Variants in TPRG1 observed in about 807,000 individuals in gnomAD.
TPRG1 encodes tumor protein p63-regulated gene 1 protein.
In TPRG1, 29 loss-of-function variants were observed where a neutral mutation model predicts 29.3. That is an observed-to-expected ratio of 0.99 (90% CI 0.74 to 1.35). The LOEUF (loss-of-function observed/expected upper bound fraction) is 1.35, where lower values mean the gene tolerates loss of function less well. TPRG1 is among the 40% of genes most tolerant of loss of function. The pLI is 0.00. For missense variants in TPRG1, 327 were observed against 335.0 expected, an observed-to-expected ratio of 0.98 and a Z score of 0.19; for synonymous variants, 130 against 116.8, an observed-to-expected ratio of 1.11 and a Z score of -0.73.
At chr3:189,104,153 C>G (rs1396929767) in intron 1 of TPRG1, among the ~76,000 whole-genome samples, 1 of 151,984 alleles carries the variant, frequency 6.6e-6, no homozygotes, top group Non-Finnish European at 1.5e-5. Context: ...GGTAGATGCC[C>G]CCCAACAGTA....
intron 1 of TPRG1, among the ~76,000 whole-genome samples, chr3:189,102,388 G>A (rs1719311743): frequency 6.6e-6 from 1 of 152,168 alleles, no homozygotes; most frequent in South Asian, 2.1e-4. Flanking sequence ...CACACAACAT[G>A]TACCAAGCTG....
intron 4 of TPRG1, among the ~76,000 whole-genome samples, chr3:189,050,439 A>G (rs1161379729): frequency 6.6e-6 from 1 of 152,214 alleles, no homozygotes; most frequent in African/African-American, 2.4e-5. Context: ...TTGAAATGGT[A>G]ATTTAAAAAT....
In TPRG1 at chr3:189,268,236, C is replaced by T. The variant is rs1040434921; in HGVS notation, c.479+29327C>T. 7.2e-5 allele frequency among the ~76,000 whole-genome samples: 11 copies of T among 152,082 alleles called. 1 individual carries two copies. The highest frequency in any genetic ancestry group is 1.5e-4 in the Non-Finnish European group (10 of 68,020). Reference sequence around the variant, plus strand: ...TTTGGGTATCTGTGCCAAGAATGCCCGGGGTTTGATTTTTGGGTGCGGTGC... The same window carrying T: ...TTTGGGTATCTGTGCCAAGAATGCCTGGGGTTTGATTTTTGGGTGCGGTGC... On this transcript the variant is annotated intron_variant, in intron 4 of 5. Coordinates refer to ENST00000345063, the MANE Select transcript of TPRG1 (RefSeq NM_198485.4).
intron 1 of TPRG1, among the ~76,000 whole-genome samples, chr3:189,177,618 A>C (rs1729664266): frequency 6.6e-6 from 1 of 151,786 alleles, no homozygotes; most frequent in Non-Finnish European, 1.5e-5. Context: ...AGGTTTATGG[A>C]CTGACTTCTG....
intron 5 of TPRG1, among the ~76,000 whole-genome samples, chr3:189,311,928 G>A (rs1293238339): frequency 6.6e-6 from 1 of 151,918 alleles, no homozygotes; most frequent in Non-Finnish European, 1.5e-5. Flanking sequence ...GACAGAGTGG[G>A]AGTTTGCATC....
rs191442103 is a variant in TPRG1, at chr3:189,321,531, C to G, written c.*711C>G. On this transcript the variant is annotated 3_prime_UTR_variant, in exon 6 of 6. Coordinates refer to ENST00000345063, the MANE Select transcript of TPRG1 (RefSeq NM_198485.4). The stretch of plus-strand genomic sequence containing the variant: ...AGATGTCAAACTTGAAGCTCATTCT[C>G]TTATCAAAATTGTTCATGTATTCCT... 120 of 152,088 alleles carry G rather than the reference C, an allele frequency of 7.9e-4. 2 individuals are homozygous for G. Among genetic ancestry groups the G allele is most frequent in the Admixed American group, 7.8e-3 (119 of 15,234 alleles). 9.4% of individuals were successfully genotyped at this position (152,088 alleles called of 1,614,324 possible). A position where few individuals can be genotyped will look rare whatever the true frequency, so the allele number is the denominator to read the frequency against.
upstream of TPRG1, among the ~76,000 whole-genome samples, chr3:189,098,287 G>C (rs1439372386): frequency 6.6e-6 from 1 of 152,154 alleles, no homozygotes; most frequent in East Asian, 1.9e-4. Flanking sequence ...GAAAAACAGG[G>C]ACAATACGAG....
chr3:189,056,508 T>C (rs1302614576), intron 4 of TPRG1, among the ~76,000 whole-genome samples: 1 of 152,190 alleles, frequency 6.6e-6, no homozygotes, highest in Non-Finnish European at 1.5e-5. Flanking sequence ...AGTAAATGAA[T>C]GAAAAGAACT....
chr3:189,228,035 C>T (rs762238699), intron 3 of TPRG1, among the ~76,000 whole-genome samples: 25 of 152,054 alleles, frequency 1.6e-4, no homozygotes, highest in Admixed American at 3.3e-4. Context: ...GCAGAAGAAT[C>T]GCTTGAACCT....
chr3:189,036,935 A>G (rs927697988), intron 4 of TPRG1, among the ~76,000 whole-genome samples: 2 of 151,730 alleles, frequency 1.3e-5, no homozygotes, highest in African/African-American at 4.8e-5. Flanking sequence ...TAAAAATCAT[A>G]AGATAAACTG....
At chr3:189,061,792 T>C (rs1167929653) in intron 4 of TPRG1, among the ~76,000 whole-genome samples, 3 of 152,096 alleles carry the variant, frequency 2.0e-5, no homozygotes, top group Admixed American at 6.5e-5. Flanking sequence ...AAGTAACAGA[T>C]GATAGTAAGG....
chr3:189,220,936 C>A (rs1431481693), intron 3 of TPRG1, among the ~76,000 whole-genome samples: 1 of 152,122 alleles, frequency 6.6e-6, no homozygotes, highest in Admixed American at 6.5e-5. Context: ...GAACTTCTCT[C>A]AGTTTTTTCC....
chr3:189,140,926 C>T (rs1724460251), intron 3 of TPRG1, among the ~76,000 whole-genome samples: 1 of 152,144 alleles, frequency 6.6e-6, no homozygotes. Context: ...TTTGCAGCTG[C>T]TGTATCACCA....
At chr3:189,318,288 C>T (rs546493796) in intron 5 of TPRG1, among the ~76,000 whole-genome samples, 1 of 152,218 alleles carries the variant, frequency 6.6e-6, no homozygotes, top group East Asian at 1.9e-4. Context: ...TTTAGCTGTA[C>T]AGACAGCCAC....
chr3:189,201,665 T>G (rs1202323125), intron 1 of TPRG1, among the ~76,000 whole-genome samples: 2 of 152,186 alleles, frequency 1.3e-5, no homozygotes, highest in Non-Finnish European at 2.9e-5. Flanking sequence ...TTATTTTTTT[T>G]GAAATGGAGT....
chr3:189,116,159 C>G lies in TPRG1; in HGVS notation c.-743-10898C>G, dbSNP rs1395819123. 2.6e-5 allele frequency among the ~76,000 whole-genome samples: 4 copies of G among 152,086 alleles called. No homozygotes were observed. In the East Asian group the frequency reaches 7.7e-4, roughly 29 times the overall value. ...GATATATGTTCCAAAGAATTGAAAA[C>G]AAGGTCTCGAAGATATTATTATTAT... On this transcript the variant is annotated intron_variant, in intron 1 of 6. Coordinates refer to the TPRG1 transcript ENST00000412373.
chr3:189,183,873 ATCC>A (rs1305831989), intron 1 of TPRG1, among the ~76,000 whole-genome samples: 3 of 151,070 alleles, frequency 2.0e-5, no homozygotes, highest in Non-Finnish European at 4.4e-5. Context: ...GGGGACATAC[ATCC>A]TCCTCGGCTT....
chr3:189,148,250 A>T (rs906451681), intron 4 of TPRG1, among the ~76,000 whole-genome samples: 1 of 152,124 alleles, frequency 6.6e-6, no homozygotes, highest in Non-Finnish European at 1.5e-5. Context: ...TTTAAAGTTT[A>T]CTCTAAACTT....
intron 1 of TPRG1, among the ~76,000 whole-genome samples, chr3:189,194,655 T>C (rs1376978498): frequency 1.3e-5 from 2 of 152,080 alleles, no homozygotes; most frequent in African/African-American, 4.8e-5. Flanking sequence ...TCCTAGAGGT[T>C]TGGACCTGCA....
Sources: gnomAD v4.1 joint callset for allele counts (sites outside exome capture counted in the v4.1 genomes callset) on GRCh38, gnomAD v4.1.1 for gene constraint, MANE v1.5 for transcripts, NCBI Gene and HGNC (gene_info 2026-07-23, HGNC 2026-07-21) for gene names.